SENP7: variants seen among roughly 807,000 people sequenced by gnomAD.
The protein encoded by SENP7 is sentrin-specific protease 7.
In SENP7, 64 loss-of-function variants were observed where a neutral mutation model predicts 141.2. That is an observed-to-expected ratio of 0.45 (90% confidence interval 0.37 to 0.56). The LOEUF (loss-of-function observed/expected upper bound fraction) is 0.56. Ranked by LOEUF, SENP7 falls within the 20% of genes least tolerant of loss-of-function variation. The pLI is 0.00. For synonymous variants in SENP7, 382 were observed against 426.4 expected, an observed-to-expected ratio of 0.90 and a Z score of 1.28; for missense variants, 1,025 against 1,212.2, an observed-to-expected ratio of 0.85 and a Z score of 2.29.
intron 3 of SENP7, among the ~76,000 whole-genome samples, chr3:101,461,004 A>T (rs961283538): frequency 6.6e-6 from 1 of 152,104 alleles, no homozygotes; most frequent in South Asian, 2.1e-4. Flanking sequence ...TAAAGACAAA[A>T]ATAGTTTTTA....
At chr3:101,353,329 T>C (rs1009058722) in intron 11 of SENP7, among the ~76,000 whole-genome samples, 4 of 151,962 alleles carry the variant, frequency 2.6e-5, no homozygotes, top group Non-Finnish European at 5.9e-5. Flanking sequence ...GTAGAAGTAG[T>C]GCATCTGCAT....
chr3:101,460,701 A>G (rs74774969), intron 3 of SENP7, among the ~76,000 whole-genome samples: 2,283 of 152,336 alleles, frequency 0.015, 22 homozygotes, highest in Non-Finnish European at 0.026. Flanking sequence ...GATAAAGTGG[A>G]CATCAGCAAA....
Position 101,325,872 on chromosome 3 carries a change from C to T in SENP7, c.*71G>A. 3.5e-6 allele frequency: 5 copies of T among 1,409,998 alleles called. No individual in the cohort carries two copies. The highest frequency in any genetic ancestry group is 4.7e-6 in the Non-Finnish European group (5 of 1,052,720). 87.3% of individuals were successfully genotyped at this position (1,409,998 alleles called of 1,614,324 possible). On this transcript the variant is annotated 3_prime_UTR_variant, in exon 24 of 24. Transcript: ENST00000394095. ...AGTTATTTTCTTCTCTGTGAGCTGGCTAACACAAATGCTGGTAAGAGGCTT... is the reference window on the plus strand; with the variant it reads ...AGTTATTTTCTTCTCTGTGAGCTGGTTAACACAAATGCTGGTAAGAGGCTT...
chr3:101,464,346 G>A (rs770800464), intron 3 of SENP7, among the ~76,000 whole-genome samples: 15 of 152,190 alleles, frequency 9.9e-5, no homozygotes, highest in African/African-American at 3.1e-4. Flanking sequence ...TCCATGGCCT[G>A]TTAGGAACCA....
At chr3:101,508,530 C>T (rs1559928133) in intron 1 of SENP7, among the ~76,000 whole-genome samples, 2 of 152,074 alleles carry the variant, frequency 1.3e-5, no homozygotes, top group Non-Finnish European at 1.5e-5. Flanking sequence ...ACCCAGGAGG[C>T]GGAGCTTGCA....
At chr3:101,469,364 G>C (rs1351453609) in intron 3 of SENP7, among the ~76,000 whole-genome samples, 1 of 152,004 alleles carries the variant, frequency 6.6e-6, no homozygotes, top group Non-Finnish European at 1.5e-5. Context: ...GGTTAATAAG[G>C]ATATCCAGGA....
At chr3:101,482,205 CG>C (rs1474735974) in intron 3 of SENP7, among the ~76,000 whole-genome samples, 1 of 151,190 alleles carries the variant, frequency 6.6e-6, no homozygotes, top group Non-Finnish European at 1.5e-5. Flanking sequence ...CCCAACTACT[CG>C]GGAGGCTGAG....
intron 3 of SENP7, among the ~76,000 whole-genome samples, chr3:101,477,402 T>C (rs1369507329): frequency 6.6e-6 from 1 of 152,046 alleles, no homozygotes; most frequent in Non-Finnish European, 1.5e-5. Flanking sequence ...AGTAAAAATA[T>C]AAATTCAGCA....
chr3:101,508,061 A>G (rs1296674812), intron 1 of SENP7, among the ~76,000 whole-genome samples: 2 of 151,228 alleles, frequency 1.3e-5, no homozygotes, highest in African/African-American at 4.9e-5. Context: ...AAAAAAAAAA[A>G]AAAAAAAAAT....
At chr3:101,497,538 C>T (rs1053986734) in intron 2 of SENP7, among the ~76,000 whole-genome samples, 15 of 151,722 alleles carry the variant, frequency 9.9e-5, no homozygotes, top group African/African-American at 3.1e-4. Flanking sequence ...GATAGGAGCA[C>T]GTCACAAGGG....
intron 4 of SENP7, among the ~76,000 whole-genome samples, chr3:101,420,619 G>C (rs1308081599): frequency 1.3e-5 from 2 of 152,146 alleles, no homozygotes; most frequent in Non-Finnish European, 2.9e-5. Context: ...GATCTGGCAG[G>C]CACCATCTTA....
At chr3:101,428,250 T>C (rs1052184286) in intron 4 of SENP7, among the ~76,000 whole-genome samples, 1 of 152,230 alleles carries the variant, frequency 6.6e-6, no homozygotes, top group Non-Finnish European at 1.5e-5. Flanking sequence ...TTTCTAGTTT[T>C]ACATCCTTGA....
At chr3:101,488,880 A>C (rs1252469347) in intron 3 of SENP7, among the ~76,000 whole-genome samples, 1 of 152,204 alleles carries the variant, frequency 6.6e-6, no homozygotes, top group Non-Finnish European at 1.5e-5. Context: ...AAGTCAACGC[A>C]AAAGAAAAAA....
At chr3:101,330,525 T>C (rs1456484893) in intron 19 of SENP7, 139 bp from the exon 20 acceptor site, 1 of 505,192 alleles carries the variant, frequency 2.0e-6, no homozygotes, top group African/African-American at 2.0e-5. Flanking sequence ...TTTTTCATGA[T>C]TAATGTTATG....
At chr3:101,506,043 C>T (rs1236969285) in intron 1 of SENP7, among the ~76,000 whole-genome samples, 26 of 96,954 alleles carry the variant, frequency 2.7e-4, no homozygotes, top group African/African-American at 8.4e-4. Context: ...TTTTTTGAGA[C>T]GGAGTCTTGC....
Position 101,366,754 on chromosome 3 carries a change from C to A in SENP7, c.994G>T (p.Asp332Tyr), listed in dbSNP as rs1432698655. Residue 332 changes from aspartate (D) to tyrosine (Y), a missense_variant, in exon 9 of 24, where the codon GAC becomes TAC. Transcript: ENST00000394095. Reference protein sequence around the residue: ...STEQTKKQEDDSTISTEFEKP... With the variant: ...STEQTKKQEDYSTISTEFEKP... Reference sequence around the variant, plus strand: ...TCAAACTCAGTGGATATTGTTGAGTCATCTTCTTGTTTTTTCTAAACATAA... The same window carrying A: ...TCAAACTCAGTGGATATTGTTGAGTAATCTTCTTGTTTTTTCTAAACATAA... 6.3e-7 allele frequency: 1 copy of A among 1,581,328 alleles called. No individual in the cohort carries two copies. The highest frequency in any genetic ancestry group is 1.2e-5 in the South Asian group (1 of 86,104).
At chr3:101,506,075 C>T (rs893791425) in intron 1 of SENP7, among the ~76,000 whole-genome samples, 2 of 141,112 alleles carry the variant, frequency 1.4e-5, no homozygotes, top group Admixed American at 7.9e-5. Context: ...CGCTGGAGTG[C>T]AGTGGCACGA....
At chr3:101,477,449 G>T (rs2064264437) in intron 3 of SENP7, among the ~76,000 whole-genome samples, 1 of 151,890 alleles carries the variant, frequency 6.6e-6, no homozygotes, top group Non-Finnish European at 1.5e-5. Flanking sequence ...TATTAAGAGA[G>T]AAATTTATAG....
chr3:101,468,071 C>T (rs1432489258), intron 3 of SENP7, among the ~76,000 whole-genome samples: 1 of 151,852 alleles, frequency 6.6e-6, no homozygotes, highest in African/African-American at 2.4e-5. Context: ...GCACAAGCTT[C>T]GATAGACAAT....
Sources: gnomAD v4.1 joint callset for allele counts (sites outside exome capture counted in the v4.1 genomes callset) on GRCh38, gnomAD v4.1.1 for gene constraint, MANE v1.5 for transcripts, NCBI Gene and HGNC (gene_info 2026-07-23, HGNC 2026-07-21) for gene names.